PCDHA3: variants seen among roughly 807,000 people sequenced by gnomAD.
PCDHA3 encodes protocadherin alpha 3.
Under a neutral mutation model 62.2 loss-of-function variants are expected in PCDHA3, and 41 were observed. The observed-to-expected ratio is 0.66, with a 90% confidence interval of 0.51 to 0.86. PCDHA3 has a LOEUF of 0.86. Among genes scored for constraint, PCDHA3 ranks in the 40% least tolerant of loss-of-function variants. PCDHA3 has a pLI of 0.00. For synonymous variants in PCDHA3, 640 were observed against 555.4 expected (o/e 1.15, Z -2.14); for missense variants, 1,304 against 1,241.2 (o/e 1.05, Z -0.76).
intron 1 of PCDHA3, chr5:140,835,705 T>A (rs1773862333): frequency 1.2e-6 from 2 of 1,613,894 alleles, no homozygotes; most frequent in East Asian, 4.5e-5. Flanking sequence ...ACTGCTAGCG[T>A]GTCCGTGGAG....
chr5:140,965,307 C>T (rs2095888914), intron 1 of PCDHA3, among the ~76,000 whole-genome samples: 1 of 152,150 alleles, frequency 6.6e-6, no homozygotes, highest in Admixed American at 6.5e-5. Context: ...ATCCTTCTAC[C>T]TTCTCTTTTA....
At chr5:141,001,451 A>T (rs2098018648) in intron 3 of PCDHA3, among the ~76,000 whole-genome samples, 1 of 152,310 alleles carries the variant, frequency 6.6e-6, no homozygotes, top group African/African-American at 2.4e-5. Flanking sequence ...TTCCACTGTC[A>T]ATTGAAGGAC....
At position 140,802,591 on chromosome 5, in the gene PCDHA3, A is replaced by G. The variant is rs782569286; in HGVS notation, c.1394A>G (p.Lys465Arg). Reference protein sequence around the residue: ...FSQSEYTVFVKENNPPGCHIF... With the variant: ...FSQSEYTVFVRENNPPGCHIF... ...CAGTCCGAGTACACGGTGTTCGTGA[A>G]GGAGAACAACCCGCCGGGCTGCCAC... is the stretch of plus-strand genomic sequence containing the variant. The change falls in exon 1 of 4, where the codon AAG becomes AGG. Residue 465 changes from lysine to arginine, a missense_variant. Coordinates refer to ENST00000522353, the MANE Select transcript of PCDHA3 (RefSeq NM_018906.3). 1.1e-5 allele frequency: 17 copies of G among 1,613,710 alleles called. No homozygotes were observed. The highest frequency in any genetic ancestry group is 1.3e-5 in the African/African-American group (1 of 74,824).
intron 1 of PCDHA3, chr5:140,835,610 G>A (rs2150239462): frequency 1.9e-6 from 3 of 1,613,948 alleles, no homozygotes; most frequent in Non-Finnish European, 2.5e-6. Context: ...CATTGGTGCT[G>A]GACAGCGCTC....
intron 1 of PCDHA3, among the ~76,000 whole-genome samples, chr5:140,900,156 T>G (rs1219079675): frequency 3.3e-5 from 5 of 152,180 alleles, no homozygotes; most frequent in African/African-American, 1.2e-4. Flanking sequence ...CATACGATAT[T>G]TGTCTTTCTG....
intron 1 of PCDHA3, among the ~76,000 whole-genome samples, chr5:140,962,168 C>A (rs1207333516): frequency 1.3e-5 from 2 of 152,152 alleles, no homozygotes; most frequent in African/African-American, 4.8e-5. Flanking sequence ...AGCCACCACA[C>A]CCGGCCACTT....
In PCDHA3 at chr5:140,843,765, A is replaced by G. The variant is rs2150366342; in HGVS notation, c.2394+40174A>G. 3 of 1,487,856 alleles carry G rather than the reference A, an allele frequency of 2.0e-6. No homozygotes were observed. In the South Asian group the frequency reaches 3.6e-5, roughly 18 times the overall value. The allele number at this position is 1,487,856 out of a possible 1,614,324, so 92.2% of individuals were successfully genotyped here. On this transcript the variant is annotated intron_variant, in intron 1 of 3. Transcript: ENST00000522353. ...CATAAATTCTATTTGTGGAAATTGT[A>G]GTTACTTTAAAAGTGTTTCAGATTT...
In PCDHA3 at chr5:141,010,844, A is replaced by T. The variant is rs1286149629; in HGVS notation, c.*907A>T. ...TGTTTGTTGTTTCATAGATTTATTT[A>T]AAAAAAGAGAAAGTCTATAGCTATA... On this transcript the variant is annotated 3_prime_UTR_variant, in exon 4 of 4. Coordinates refer to ENST00000522353, the MANE Select transcript of PCDHA3 (RefSeq NM_018906.3). The T allele has an allele frequency of 1.3e-5, 2 of 153,756 alleles. No homozygotes were observed. The highest frequency in any genetic ancestry group is 2.9e-5 in the Non-Finnish European group (2 of 68,056). 9.5% of individuals were successfully genotyped at this position (153,756 alleles called of 1,614,324 possible).
intron 2 of PCDHA3, among the ~76,000 whole-genome samples, chr5:140,980,840 A>G (rs1248070793): frequency 1.3e-5 from 2 of 152,200 alleles, no homozygotes; most frequent in African/African-American, 4.8e-5. Context: ...GAACCTAAAT[A>G]ATACTAATCT....
chr5:140,822,338 C>G, intron 1 of PCDHA3: 1 of 1,614,052 alleles, frequency 6.2e-7, no homozygotes, highest in Non-Finnish European at 8.5e-7. Flanking sequence ...GAAGAAGAAA[C>G]GAACTTTTTA....
chr5:140,810,327 G>T (rs541763834), intron 1 of PCDHA3: 2 of 152,304 alleles, frequency 1.3e-5, no homozygotes, highest in South Asian at 4.1e-4. Flanking sequence ...CATGTACACA[G>T]ATTTCTCTCA....
chr5:140,883,668 A>G (rs782191858), intron 1 of PCDHA3: 16 of 1,613,456 alleles, frequency 9.9e-6, no homozygotes, highest in Non-Finnish European at 1.4e-5. Flanking sequence ...GTGAAGGAAA[A>G]CAATCCGCCG....
chr5:140,969,007 A>T, intron 1 of PCDHA3: 2 of 1,614,148 alleles, frequency 1.2e-6, no homozygotes, highest in Non-Finnish European at 1.7e-6. Context: ...GCTTCTGTGG[A>T]GTAAGGGAAA....
intron 1 of PCDHA3, chr5:140,850,632 C>G: frequency 6.3e-7 from 1 of 1,598,646 alleles, no homozygotes; most frequent in Non-Finnish European, 8.6e-7. Context: ...CCTGTTGGTT[C>G]TCACGCTGCT....
chr5:140,976,952 C>T lies in PCDHA3; in HGVS notation c.2395-1997C>T, dbSNP rs183824. 1.8e-3 allele frequency among the ~76,000 whole-genome samples: 271 copies of T among 152,298 alleles called. 1 individual carries two copies. Among genetic ancestry groups the T allele is most frequent in the African/African-American group, 6.2e-3 (258 of 41,574 alleles). The stretch of plus-strand genomic sequence containing the variant: ...GTAGCTACTTAAAACATATTATATG[C>T]TTTCTTCCTTTCCTTTTCCCTGCCT... On this transcript the variant is annotated intron_variant, in intron 1 of 3. Coordinates refer to ENST00000522353, the MANE Select transcript of PCDHA3 (RefSeq NM_018906.3).
chr5:140,928,219 C>T (rs2153594773), intron 1 of PCDHA3: 1 of 1,614,166 alleles, frequency 6.2e-7, no homozygotes, highest in African/African-American at 1.3e-5. Flanking sequence ...TGACAATACA[C>T]CAAACTTTCC....
intron 1 of PCDHA3, chr5:140,825,247 C>A (rs1768490028): frequency 6.6e-6 from 1 of 150,876 alleles, no homozygotes; most frequent in Non-Finnish European, 1.5e-5. Context: ...CTATGGTGTT[C>A]CATTGTGTAG....
chr5:140,955,452 G>C (rs921510611), intron 1 of PCDHA3, among the ~76,000 whole-genome samples: 3 of 152,024 alleles, frequency 2.0e-5, no homozygotes, highest in Non-Finnish European at 4.4e-5. Context: ...TTTTATAAGG[G>C]CTTTTTCCTT....
intron 1 of PCDHA3, chr5:140,809,297 A>G: frequency 2.5e-6 from 4 of 1,614,102 alleles, no homozygotes; most frequent in Middle Eastern, 3.3e-4. Context: ...GATCATTGCC[A>G]TCTGCGCGGT....
Sources: allele counts gnomAD v4.1 joint callset (sites outside exome capture counted in the v4.1 genomes callset), GRCh38; gene constraint gnomAD v4.1.1; transcripts MANE v1.5; gene names NCBI Gene and HGNC (gene_info 2026-07-23, HGNC 2026-07-21).